GABRG3: variants seen among roughly 807,000 people sequenced by gnomAD.
GABRG3 encodes the protein gamma-aminobutyric acid type A receptor subunit gamma3.
A neutral mutation model predicts 48.8 loss-of-function variants in GABRG3; 25 were observed. That is an observed-to-expected ratio of 0.51 (90% CI 0.37 to 0.72). The LOEUF (loss-of-function observed/expected upper bound fraction) is 0.72. GABRG3 is among the 30% of genes least tolerant of loss of function. The pLI is 0.00. For synonymous variants in GABRG3, 227 were observed against 217.6 expected (o/e 1.04, Z -0.38); for missense variants, 394 against 577.9 (o/e 0.68, Z 3.26).
At chr15:27,357,398 A>C (rs769754377) in intron 5 of GABRG3, among the ~76,000 whole-genome samples, 2 of 152,240 alleles carry the variant, frequency 1.3e-5, no homozygotes, top group Non-Finnish European at 2.9e-5. Context: ...TCAGTCCTAC[A>C]CAAGGCTCTT....
intron 2 of GABRG3, among the ~76,000 whole-genome samples, chr15:27,022,084 GC>G (rs1264735413): frequency 6.6e-6 from 1 of 152,054 alleles, no homozygotes; most frequent in East Asian, 1.9e-4. Context: ...CAGAACCCAT[GC>G]CCTATGAACG....
At chr15:27,308,827 A>T (rs960139881) in intron 3 of GABRG3, among the ~76,000 whole-genome samples, 14 of 150,236 alleles carry the variant, frequency 9.3e-5, no homozygotes, top group Admixed American at 9.3e-4. Context: ...TAGTGTAAAC[A>T]TACGTTTATA....
At chr15:27,204,206 T>A (rs1888779068) in intron 3 of GABRG3, among the ~76,000 whole-genome samples, 1 of 152,182 alleles carries the variant, frequency 6.6e-6, no homozygotes, top group Non-Finnish European at 1.5e-5. Flanking sequence ...CTTTAATCCA[T>A]CTTGAGTTGA....
intron 3 of GABRG3, among the ~76,000 whole-genome samples, chr15:27,242,330 C>T (rs1187491634): frequency 4.6e-5 from 7 of 152,118 alleles, no homozygotes; most frequent in African/African-American, 7.2e-5. Context: ...CCAGGTGTCT[C>T]TACCATGCTG....
chr15:27,474,316 T>A (rs1368269537), intron 5 of GABRG3, among the ~76,000 whole-genome samples: 1 of 152,218 alleles, frequency 6.6e-6, no homozygotes, highest in Non-Finnish European at 1.5e-5. Context: ...TATCTGAGCA[T>A]GTTTCAGGGA....
At chr15:27,031,444 T>C (rs1187255577) in intron 3 of GABRG3, among the ~76,000 whole-genome samples, 1 of 152,198 alleles carries the variant, frequency 6.6e-6, no homozygotes, top group East Asian at 1.9e-4. Flanking sequence ...GATGGCTTTT[T>C]TTCCTTCGTT....
At chr15:27,101,572 A>G (rs1445007356) in intron 3 of GABRG3, among the ~76,000 whole-genome samples, 1 of 152,192 alleles carries the variant, frequency 6.6e-6, no homozygotes, top group East Asian at 1.9e-4. Context: ...ACAGTGTGGT[A>G]TGGCAGAGGA....
intron 3 of GABRG3, among the ~76,000 whole-genome samples, chr15:27,138,452 T>C (rs1047456815): frequency 2.0e-5 from 3 of 152,208 alleles, no homozygotes; most frequent in Admixed American, 6.5e-5. Context: ...GGCACTTTTT[T>C]CCCAATGTTC....
chr15:27,348,769 T>C (rs1456107245), intron 5 of GABRG3, among the ~76,000 whole-genome samples: 1 of 152,238 alleles, frequency 6.6e-6, no homozygotes, highest in African/African-American at 2.4e-5. Context: ...TTTTAAGTTA[T>C]TAAAGTCAGG....
In GABRG3 at chr15:27,064,259, C is replaced by G. The variant is rs368445936; in HGVS notation, c.270+37438C>G. On this transcript the variant is annotated intron_variant, in intron 3 of 9. Transcript: ENST00000615808. ...AGCATGAGGTGTGAGAAGCAGATGG[C>G]CACACGTCACTCTGGTTAGAGAAGT... 3.0e-4 allele frequency among the ~76,000 whole-genome samples: 45 copies of G among 152,234 alleles called. 1 individual carries two copies. The South Asian group carries it at 8.7e-3, about 29-fold the overall frequency.
intron 7 of GABRG3, among the ~76,000 whole-genome samples, chr15:27,524,155 A>G (rs1047605025): frequency 8.5e-5 from 13 of 152,088 alleles, no homozygotes; most frequent in African/African-American, 2.9e-4. Flanking sequence ...CCTTGCCTAT[A>G]TAGAAAAAAC....
At chr15:27,083,754 C>G (rs1897029288) in intron 3 of GABRG3, among the ~76,000 whole-genome samples, 2 of 152,206 alleles carry the variant, frequency 1.3e-5, no homozygotes, top group Non-Finnish European at 2.9e-5. Context: ...AACAGTGTCA[C>G]AAAGCCCCAG....
At chr15:27,188,406 C>A (rs1253064919) in intron 3 of GABRG3, among the ~76,000 whole-genome samples, 38 of 152,248 alleles carry the variant, frequency 2.5e-4, no homozygotes, top group Non-Finnish European at 3.7e-4. Flanking sequence ...CTGACTTTTT[C>A]ATGATTGCCA....
chr15:27,057,368 A>C (rs2140718333), intron 3 of GABRG3, among the ~76,000 whole-genome samples: 1 of 152,328 alleles, frequency 6.6e-6, no homozygotes, highest in Admixed American at 6.5e-5. Context: ...GTTTTCTGAA[A>C]CCAGCTTACA....
chr15:27,162,702 T>C (rs1218652810), intron 3 of GABRG3, among the ~76,000 whole-genome samples: 1 of 152,104 alleles, frequency 6.6e-6, no homozygotes, highest in African/African-American at 2.4e-5. Context: ...CTCCTTAGCA[T>C]GTGTGAAGCA....
intron 5 of GABRG3, among the ~76,000 whole-genome samples, chr15:27,378,423 A>G (rs371873734): frequency 4.6e-5 from 7 of 152,254 alleles, no homozygotes; most frequent in East Asian, 1.9e-4. Flanking sequence ...AGGACTTTTG[A>G]TATCTATTAG....
At chr15:27,055,971 G>C (rs1020899321) in intron 3 of GABRG3, among the ~76,000 whole-genome samples, 2 of 152,120 alleles carry the variant, frequency 1.3e-5, no homozygotes, top group Non-Finnish European at 2.9e-5. Flanking sequence ...TTTGATACAT[G>C]TATACATTCT....
At chr15:27,341,304 A>G (rs553820141) in intron 5 of GABRG3, among the ~76,000 whole-genome samples, 1 of 152,104 alleles carries the variant, frequency 6.6e-6, no homozygotes, top group Non-Finnish European at 1.5e-5. Context: ...GGGGGTAGAG[A>G]GTAAAAGAGC....
At chr15:27,066,909 G>T (rs1037227335) in intron 3 of GABRG3, among the ~76,000 whole-genome samples, 20 of 152,308 alleles carry the variant, frequency 1.3e-4, no homozygotes, top group Admixed American at 1.3e-3. Flanking sequence ...AGAATGTCAA[G>T]GGTGAGGCAA....
Sources: allele counts gnomAD v4.1 joint callset (sites outside exome capture counted in the v4.1 genomes callset), GRCh38; gene constraint gnomAD v4.1.1; transcripts MANE v1.5; gene names NCBI Gene and HGNC (gene_info 2026-07-23, HGNC 2026-07-21).